GPATCH8: variants seen among roughly 807,000 people sequenced by gnomAD.
GPATCH8 encodes G-patch domain containing 8, also known as G patch domain-containing protein 8.
GPATCH8 carries 18 observed loss-of-function variants against 118.3 expected under a neutral mutation model. The observed-to-expected ratio is 0.15, with a 90% CI of 0.11 to 0.23. The LOEUF (loss-of-function observed/expected upper bound fraction) is 0.23, where lower values mean the gene tolerates loss of function less well. Ranked by LOEUF, GPATCH8 falls within the 10% of genes least tolerant of loss-of-function variation. The pLI is 1.00. For synonymous variants in GPATCH8, 659 were observed against 684.7 expected, an observed-to-expected ratio of 0.96 and a Z score of 0.59; for missense variants, 1,631 against 1,873.8, an observed-to-expected ratio of 0.87 and a Z score of 2.39.
At chr17:44,402,324 CAAA>C (rs61316944) in intron 7 of GPATCH8, among the ~76,000 whole-genome samples, 248 of 41,888 alleles carry the variant, frequency 5.9e-3, no homozygotes, top group African/African-American at 0.021. Flanking sequence ...GACTCTGTCT[CAAA>C]AAAAAAAAAA....
chr17:44,424,609 G>C, intron 5 of GPATCH8, 117 bp from the exon 6 acceptor site: 1 of 752,908 alleles, frequency 1.3e-6, no homozygotes, highest in Non-Finnish European at 2.3e-6. Flanking sequence ...ATAATATTTA[G>C]TGGTACCAGT....
At chr17:44,462,797 A>G (rs1050558216) in intron 3 of GPATCH8, among the ~76,000 whole-genome samples, 1 of 151,966 alleles carries the variant, frequency 6.6e-6, no homozygotes, top group African/African-American at 2.4e-5. Context: ...CCTGGCTAAC[A>G]CGGTGAAACC....
At chr17:44,464,894 A>C in intron 2 of GPATCH8, 1 of 291,928 alleles carries the variant, frequency 3.4e-6, no homozygotes, top group South Asian at 3.5e-5. Context: ...CAAGGTACTT[A>C]TACAGTCATA....
At chr17:44,455,523 T>A (rs1454413277) in intron 3 of GPATCH8, among the ~76,000 whole-genome samples, 1 of 151,040 alleles carries the variant, frequency 6.6e-6, no homozygotes, top group Non-Finnish European at 1.5e-5. Context: ...TTAAAAAAAA[T>A]AAAATTAAAT....
Position 44,399,288 on chromosome 17 carries a change from G to A in GPATCH8, c.2789C>T (p.Ser930Phe), listed in dbSNP as rs201659743. 1.2e-5 allele frequency: 20 copies of A among 1,613,904 alleles called. No individual in the cohort carries two copies. Among genetic ancestry groups the A allele is most frequent in the Non-Finnish European group, 1.6e-5 (19 of 1,179,868 alleles). The change falls in exon 8 of 8, where the codon TCT becomes TTT. Residue 930 changes from serine (S) to phenylalanine (F), a missense_variant. Coordinates refer to ENST00000591680, the MANE Select transcript of GPATCH8 (RefSeq NM_001002909.4). ...KHRSKRHKYSSSDDDYSLSCS... is the reference protein window; with the variant it reads ...KHRSKRHKYSFSDDDYSLSCS... ...ACTGAGGCTATAGTCATCATCAGAA[G>A]ATGAATATTTGTGCCGTTTTGATCG...
At chr17:44,486,642 AAAT>A (rs1968805963) in intron 1 of GPATCH8, 1 of 152,200 alleles carries the variant, frequency 6.6e-6, no homozygotes, top group Non-Finnish European at 1.5e-5. Flanking sequence ...TACTAAACAC[AAAT>A]AATACAAATG....
intron 5 of GPATCH8, among the ~76,000 whole-genome samples, chr17:44,428,771 T>A (rs2050182937): frequency 1.3e-5 from 2 of 151,834 alleles, no homozygotes; most frequent in African/African-American, 4.8e-5. Context: ...GCCACCGCAC[T>A]TCTAGGTGAC....
chr17:44,457,348 A>G (rs1424320296), intron 3 of GPATCH8, among the ~76,000 whole-genome samples: 3 of 152,192 alleles, frequency 2.0e-5, no homozygotes, highest in Non-Finnish European at 4.4e-5. Context: ...CAAGCTACAG[A>G]GAATGTTCAT....
At chr17:44,458,255 GA>G (rs542843854) in intron 3 of GPATCH8, among the ~76,000 whole-genome samples, 5,910 of 74,952 alleles carry the variant, frequency 0.079, 117 homozygotes, top group Non-Finnish European at 0.093. Context: ...TGTCTCAAAG[GA>G]AAAAAAAAAA....
rs1266737496 is a variant in GPATCH8 at position 44,397,059 on chromosome 17, C to A, written c.*509G>T. ...CTCACCTGGGATAACGTAACGTCAC[C>A]AAAGATGGTCAAAGATACTACCCCA... On this transcript the variant is annotated 3_prime_UTR_variant, in exon 8 of 8. Transcript: ENST00000591680. 1 of 454,158 alleles carries A rather than the reference C, an allele frequency of 2.2e-6. No individual in the cohort carries two copies. The highest frequency in any genetic ancestry group is 2.3e-5 in the Admixed American group (1 of 42,560). The allele number at this position is 454,158 out of a possible 1,614,324, so 28.1% of individuals were successfully genotyped here.
chr17:44,416,727 A>G (rs925110629), intron 6 of GPATCH8, among the ~76,000 whole-genome samples: 1 of 152,230 alleles, frequency 6.6e-6, no homozygotes, highest in Non-Finnish European at 1.5e-5. Flanking sequence ...GTCAAAAAGC[A>G]GTTGCAAACA....
chr17:44,420,751 T>G (rs1021845973), intron 6 of GPATCH8, among the ~76,000 whole-genome samples: 1 of 152,120 alleles, frequency 6.6e-6, no homozygotes, highest in Admixed American at 6.5e-5. Flanking sequence ...TACAACACAT[T>G]AATGCTGTCA....
chr17:44,410,437 C>T (rs951590354), intron 6 of GPATCH8, among the ~76,000 whole-genome samples: 1 of 152,212 alleles, frequency 6.6e-6, no homozygotes, highest in Admixed American at 6.5e-5. Flanking sequence ...TCAAGTTAAA[C>T]TCCAAAATGG....
intron 1 of GPATCH8, among the ~76,000 whole-genome samples, chr17:44,496,761 A>G (rs188559110): frequency 1.3e-5 from 2 of 152,370 alleles, no homozygotes; most frequent in Admixed American, 1.3e-4. Context: ...GGAATAAAAT[A>G]CTAAACATAT....
At chr17:44,446,333 G>A (rs549714707) in intron 3 of GPATCH8, among the ~76,000 whole-genome samples, 10 of 152,230 alleles carry the variant, frequency 6.6e-5, no homozygotes, top group Middle Eastern at 6.8e-3. Context: ...TTGGGAGGCC[G>A]AGGCGGGCAG....
At chr17:44,463,352 G>A (rs908588906) in intron 3 of GPATCH8, among the ~76,000 whole-genome samples, 1 of 152,110 alleles carries the variant, frequency 6.6e-6, no homozygotes, top group South Asian at 2.1e-4. Context: ...ATAAGCTCCC[G>A]CATGACCAGA....
Position 44,395,426 on chromosome 17 carries a change from TG to T in GPATCH8, c.*2141del. ...ATTTTTACTTTTAAAATCACTATTC[TG>T]GAAGTTAAAGAAAATGCCCCTAGGA... On this transcript the variant is annotated 3_prime_UTR_variant, in exon 8 of 8. Transcript: ENST00000591680. The T allele has an allele frequency of 2.2e-6, 1 of 454,366 alleles. No individual in the cohort carries two copies. Among genetic ancestry groups the T allele is most frequent in the South Asian group, 1.6e-5 (1 of 64,426 alleles). The allele number at this position is 454,366 out of a possible 1,614,324, so 28.1% of individuals were successfully genotyped here.
At chr17:44,466,777 A>T (rs888016731) in intron 2 of GPATCH8, among the ~76,000 whole-genome samples, 5 of 152,206 alleles carry the variant, frequency 3.3e-5, no homozygotes, top group African/African-American at 7.2e-5. Flanking sequence ...TAATTCTAGG[A>T]AGGACAAGGA....
chr17:44,482,035 C>T (rs992960807), intron 1 of GPATCH8, among the ~76,000 whole-genome samples: 7 of 151,990 alleles, frequency 4.6e-5, no homozygotes, highest in African/African-American at 1.5e-4. Flanking sequence ...GCAGGAGAAT[C>T]GCTTGAACCT....
Sources: gnomAD v4.1 joint callset for allele counts (sites outside exome capture counted in the v4.1 genomes callset) on GRCh38, gnomAD v4.1.1 for gene constraint, MANE v1.5 for transcripts, NCBI Gene and HGNC (gene_info 2026-07-23, HGNC 2026-07-21) for gene names.